The following TFAP2B variants were observed in gnomAD, a reference collection of about 807,000 sequenced individuals.
The protein encoded by TFAP2B is transcription factor AP-2-beta.
A neutral mutation model predicts 44.3 loss-of-function variants in TFAP2B; 9 were observed. That is an observed-to-expected ratio of 0.20 (90% CI 0.12 to 0.35). TFAP2B has a LOEUF of 0.35. TFAP2B is among the 10% of genes least tolerant of loss of function. The pLI is 1.00. For missense variants in TFAP2B, 509 were observed against 600.0 expected, an observed-to-expected ratio of 0.85 and a Z score of 1.59; for synonymous variants, 270 against 263.8, an observed-to-expected ratio of 1.02 and a Z score of -0.23.
chr6:50,836,669 C>A (rs982164983), intron 4 of TFAP2B, among the ~76,000 whole-genome samples: 2 of 152,068 alleles, frequency 1.3e-5, no homozygotes, highest in South Asian at 4.1e-4. Context: ...AGCCCCCCCA[C>A]AAAAAACCCC....
chr6:50,835,029 C>A (rs1259122549), intron 3 of TFAP2B, among the ~76,000 whole-genome samples: 5 of 152,204 alleles, frequency 3.3e-5, no homozygotes, highest in African/African-American at 1.2e-4. Context: ...CTTCTGGTTC[C>A]ACTGAGCCTA....
rs62405423 is a variant in TFAP2B, at chr6:50,833,750, C to T, written c.602-2311C>T. On this transcript the variant is annotated intron_variant, in intron 3 of 6. Transcript: ENST00000393655. ...GGTTTATAACATTTCTTTAAAGGCC[C>T]GGCTTTTCCAGAGGTTTAGCTTCTG... Among the ~76,000 whole-genome samples, 593 of 151,202 alleles carry T rather than the reference C, an allele frequency of 3.9e-3. 3 individuals are homozygous for T. Among genetic ancestry groups the T allele is most frequent in the South Asian group, 0.021 (100 of 4,762 alleles).
chr6:50,838,465 CAG>C (rs1243960053), intron 5 of TFAP2B, among the ~76,000 whole-genome samples: 14 of 152,102 alleles, frequency 9.2e-5, no homozygotes, highest in African/African-American at 3.4e-4. Context: ...TTTGAATTGT[CAG>C]TAGTAGAAAA....
chr6:50,841,211 T>C (rs1016895433), intron 6 of TFAP2B, among the ~76,000 whole-genome samples: 2 of 152,236 alleles, frequency 1.3e-5, no homozygotes, highest in Admixed American at 1.3e-4. Context: ...AATGTTTGAC[T>C]CTAAGCATTT....
At chr6:50,826,624 TG>T (rs1464822917) in intron 2 of TFAP2B, among the ~76,000 whole-genome samples, 1 of 150,972 alleles carries the variant, frequency 6.6e-6, no homozygotes, top group South Asian at 2.1e-4. Flanking sequence ...GGGCTACAAG[TG>T]TTAAAAACTC....
chr6:50,839,997 T>A (rs956654937), intron 5 of TFAP2B, among the ~76,000 whole-genome samples, 159 bp from the exon 6 acceptor site: 7 of 152,182 alleles, frequency 4.6e-5, no homozygotes, highest in African/African-American at 1.7e-4. Flanking sequence ...TAATTATAGC[T>A]TGAGAATCAT....
chr6:50,824,991 A>G lies in TFAP2B; in HGVS notation c.540+1126A>G, dbSNP rs75332822. Among the ~76,000 whole-genome samples the G allele has an allele frequency of 9.4e-3, 1,438 of 152,344 alleles. 19 individuals are homozygous for G. Among genetic ancestry groups the G allele is most frequent in the African/African-American group, 0.033 (1,385 of 41,576 alleles). On this transcript the variant is annotated intron_variant, in intron 2 of 6. Transcript: ENST00000393655. Reference sequence around the variant, plus strand: ...TACCTCTGAAGCAAAGGAAAATAAAATGGGAAAGAGAAGAGGGTGCAAGAG... The same window carrying G: ...TACCTCTGAAGCAAAGGAAAATAAAGTGGGAAAGAGAAGAGGGTGCAAGAG...
chr6:50,818,784 C>A (rs985020577), upstream of TFAP2B: 8 of 947,034 alleles, frequency 8.4e-6, no homozygotes, highest in African/African-American at 3.2e-5. Context: ...ATATAAGTTG[C>A]GATGGGAGAG....
At chr6:50,843,044 A>G (rs1435728647) in intron 6 of TFAP2B, 48 bp from the exon 7 acceptor site, 1 of 1,612,604 alleles carries the variant, frequency 6.2e-7, no homozygotes, top group Non-Finnish European at 8.5e-7. Context: ...AATGCCAATG[A>G]CAACGACACT....
intron 1 of TFAP2B, among the ~76,000 whole-genome samples, 196 bp from the exon 2 acceptor site, chr6:50,823,211 C>G (rs948983643): frequency 6.6e-6 from 1 of 152,170 alleles, no homozygotes; most frequent in African/African-American, 2.4e-5. Flanking sequence ...TCATGTGGCC[C>G]TCTGAGTCAA....
chr6:50,821,021 C>T (rs1191845212), intron 1 of TFAP2B, among the ~76,000 whole-genome samples: 3 of 152,166 alleles, frequency 2.0e-5, no homozygotes, highest in African/African-American at 7.2e-5. Context: ...GCTCAAAAAA[C>T]AGAATCCGCA....
rs1770421184 is a variant in TFAP2B, at chr6:50,823,668, G to T, written c.343G>T (p.Gly115Cys). Residue 115 changes from glycine to cysteine, a missense_variant, in exon 2 of 7, where the codon GGT (glycine) becomes TGT (cysteine). Physicochemically the swap from Gly to Cys is radical, Grantham distance 159. Transcript: ENST00000393655. ...GGGGCAACGGCAGCGGCAAGAAGTG[G>T]GTTCGGAAGCCGGCTCTCTCCTGCC... ...PWGQRQRQEV[G>C]SEAGSLLPQP... 1 of 1,613,902 alleles carries T rather than the reference G, an allele frequency of 6.2e-7. No homozygotes were observed. The highest frequency in any genetic ancestry group is 1.7e-5 in the Admixed American group (1 of 59,988).
At position 50,843,133 on chromosome 6, in the gene TFAP2B, G is replaced by A; in HGVS notation, c.1124G>A (p.Arg375Gln). The stretch of plus-strand genomic sequence containing the variant: ...TTTACGGATCTACTGGCGCAGGACC[G>A]GACACCGATAGGGAACAGCCGACCC... ...KEFTDLLAQD[R>Q]TPIGNSRPSP... Residue 375 changes from arginine to glutamine, a missense_variant, in exon 7 of 7, where the codon CGG becomes CAG. Arg to Gln is a conservative substitution (Grantham distance 43, BLOSUM62 1). This residue lies in a region of TFAP2B where 168 missense variants were observed against 183.2 expected (regional missense o/e 0.92). Transcript: ENST00000393655. 1.2e-6 allele frequency: 2 copies of A among 1,614,206 alleles called. No individual in the cohort carries two copies. The highest frequency in any genetic ancestry group is 2.2e-5 in the East Asian group (1 of 44,880).
intron 1 of TFAP2B, among the ~76,000 whole-genome samples, chr6:50,821,003 A>C (rs1770328339): frequency 6.6e-6 from 1 of 152,258 alleles, no homozygotes; most frequent in African/African-American, 2.4e-5. Flanking sequence ...TATCTGCCTA[A>C]ATTTTCTGCT....
At chr6:50,838,476 A>G (rs913446143) in intron 5 of TFAP2B, among the ~76,000 whole-genome samples, 1 of 152,168 alleles carries the variant, frequency 6.6e-6, no homozygotes, top group Non-Finnish European at 1.5e-5. Context: ...AGTAGTAGAA[A>G]ACACATTGCA....
chr6:50,830,172 A>T (rs1247672645), intron 3 of TFAP2B: 1 of 347,728 alleles, frequency 2.9e-6, no homozygotes, highest in Non-Finnish European at 4.0e-6. Context: ...AGTTTGTTTT[A>T]GTTCCTCCTC....
chr6:50,847,205 T>A lies in TFAP2B; in HGVS notation c.*3813T>A, dbSNP rs1404704603. The A allele has an allele frequency of 1.3e-5, 2 of 151,638 alleles. No homozygotes were observed. Among genetic ancestry groups the A allele is most frequent in the Non-Finnish European group, 3.0e-5 (2 of 67,756 alleles). 9.4% of individuals were successfully genotyped at this position (151,638 alleles called of 1,614,324 possible). A position where few individuals can be genotyped will look rare whatever the true frequency, so the allele number is the denominator to read the frequency against. On this transcript the variant is annotated 3_prime_UTR_variant, in exon 7 of 7. Coordinates refer to ENST00000393655, the MANE Select transcript of TFAP2B (RefSeq NM_003221.4). ...ACTGGCTTAAAAAAAAAAGTATCAA[T>A]TTTTTTTTAACGGAATGAACACTAT... is the stretch of plus-strand genomic sequence containing the variant.
chr6:50,838,042 G>A lies in TFAP2B; in HGVS notation c.889G>A (p.Ala297Thr), dbSNP rs1326671166. 6.2e-6 allele frequency: 10 copies of A among 1,614,070 alleles called. No individual in the cohort carries two copies. The highest frequency in any genetic ancestry group is 1.3e-5 in the African/African-American group (1 of 74,934). ...RLEKIGLNLP[A>T]GRRKAANVTL... is the part of the protein sequence containing the mutation. ...AGAAAAAATCGGTTTGAATTTACCCGCGGGCAGGCGCAAAGCAGCAAATGT... is the reference window on the plus strand; with the variant it reads ...AGAAAAAATCGGTTTGAATTTACCCACGGGCAGGCGCAAAGCAGCAAATGT... Residue 297 changes from alanine (A) to threonine (T), a missense_variant, in exon 5 of 7, where the codon GCG becomes ACG. Physicochemically the swap from Ala to Thr is moderately conservative, Grantham distance 58. Transcript: ENST00000393655.
Position 50,844,231 on chromosome 6 carries a change from CAT to C in TFAP2B, c.*841_*842del, listed in dbSNP as rs1185447846. 1 of 151,630 alleles carries C rather than the reference CAT, an allele frequency of 6.6e-6. No individual in the cohort carries two copies. Among genetic ancestry groups the C allele is most frequent in the Non-Finnish European group, 1.5e-5 (1 of 67,988 alleles). The allele number at this position is 151,630 out of a possible 1,614,324, so 9.4% of individuals were successfully genotyped here. A position where few individuals can be genotyped will look rare whatever the true frequency, so the allele number is the denominator to read the frequency against. ...TAGCTCCCAGCCTTGCCAGCATCTGCATAGAGAGAATCTCACATTTATTATAT... is the reference window on the plus strand; with the variant it reads ...TAGCTCCCAGCCTTGCCAGCATCTGCAGAGAGAATCTCACATTTATTATAT... On this transcript the variant is annotated 3_prime_UTR_variant, in exon 7 of 7. Transcript: ENST00000393655.
Sources: gnomAD v4.1 joint callset for allele counts (sites outside exome capture counted in the v4.1 genomes callset) on GRCh38, gnomAD v4.1.1 for gene constraint, gnomAD v4.1.1 regional missense constraint, MANE v1.5 for transcripts, NCBI Gene and HGNC (gene_info 2026-07-23, HGNC 2026-07-21) for gene names.